Variants in ADCY2 observed in about 807,000 individuals in gnomAD.
The protein encoded by ADCY2 is adenylate cyclase type 2.
In ADCY2, 31 loss-of-function variants were observed where a neutral mutation model predicts 125.2. That is an observed-to-expected ratio of 0.25 (90% CI 0.19 to 0.33). ADCY2 has a LOEUF of 0.33. ADCY2 is among the 10% of genes least tolerant of loss of function. ADCY2 has a pLI of 1.00. For missense variants in ADCY2, 904 were observed against 1,418.2 expected (o/e 0.64, Z 5.82); for synonymous variants, 512 against 548.4 (o/e 0.93, Z 0.93).
At chr5:7,423,234 A>G (rs1178650623) in intron 2 of ADCY2, among the ~76,000 whole-genome samples, 1 of 152,170 alleles carries the variant, frequency 6.6e-6, no homozygotes, top group Non-Finnish European at 1.5e-5. Flanking sequence ...CAGTGTGTTT[A>G]TTGGGAGACC....
intron 3 of ADCY2, among the ~76,000 whole-genome samples, chr5:7,578,417 A>T (rs1579592777): frequency 6.6e-6 from 1 of 152,170 alleles, no homozygotes; most frequent in East Asian, 1.9e-4. Flanking sequence ...TTAGCTCTTT[A>T]TTCTCACTGT....
intron 14 of ADCY2, among the ~76,000 whole-genome samples, chr5:7,730,611 C>A (rs1437499305): frequency 6.6e-6 from 1 of 152,056 alleles, no homozygotes; most frequent in South Asian, 2.1e-4. Context: ...ATTAAAATTT[C>A]TTTATCTACT....
chr5:7,687,151 A>G (rs1211297752), intron 4 of ADCY2, among the ~76,000 whole-genome samples: 2 of 152,246 alleles, frequency 1.3e-5, no homozygotes, highest in South Asian at 2.1e-4. Context: ...TTTGTACAAC[A>G]TATGAAGTTT....
At chr5:7,552,617 G>A (rs1469164957) in intron 3 of ADCY2, among the ~76,000 whole-genome samples, 1 of 152,118 alleles carries the variant, frequency 6.6e-6, no homozygotes, top group Non-Finnish European at 1.5e-5. Flanking sequence ...AACTTCTTCT[G>A]ATCCCCAAAA....
rs68115969 is a variant in ADCY2 at position 7,589,506 on chromosome 5, G to GAAAAGAAAAGA, written c.571-36658_571-36657insAGAAAAGAAAA. 2.9e-3 allele frequency among the ~76,000 whole-genome samples: 268 copies of GAAAAGAAAAGA among 93,848 alleles called. 2 individuals carry two copies. The highest frequency in any genetic ancestry group is 9.0e-3 in the African/African-American group (251 of 28,012). The allele number at this position is 93,848 out of a possible 152,430, so 61.6% of individuals were successfully genotyped here. On this transcript the variant is annotated intron_variant, in intron 3 of 24. Coordinates refer to ENST00000338316, the MANE Select transcript of ADCY2 (RefSeq NM_020546.3). The stretch of plus-strand genomic sequence containing the variant: ...AGAAAGAAAGAAAGAAAGAAAGAAA[G>GAAAAGAAAAGA]AAAGAAAAGAAAAGAAAGAGAAAGA...
intron 14 of ADCY2, among the ~76,000 whole-genome samples, chr5:7,727,750 T>C (rs1741975786): frequency 6.6e-6 from 1 of 151,914 alleles, no homozygotes; most frequent in African/African-American, 2.4e-5. Context: ...CCGTCTTTGA[T>C]TGTTATAGGT....
At chr5:7,471,380 TC>T (rs34208238) in intron 2 of ADCY2, among the ~76,000 whole-genome samples, 10,463 of 152,000 alleles carry the variant, frequency 0.069, 516 homozygotes, top group Non-Finnish European at 0.11. Flanking sequence ...TAAAAAAATC[TC>T]CCATTTTGGC....
intron 12 of ADCY2, among the ~76,000 whole-genome samples, chr5:7,720,052 T>C (rs1741709747): frequency 6.6e-6 from 1 of 151,728 alleles, no homozygotes; most frequent in South Asian, 2.1e-4. Flanking sequence ...AAGTAGGGAA[T>C]CACTTATTGT....
chr5:7,603,784 CTTTTTTTTTTTTTTT>C, intron 3 of ADCY2, among the ~76,000 whole-genome samples: 4 of 62,800 alleles, frequency 6.4e-5, no homozygotes, highest in Non-Finnish European at 1.1e-4. Context: ...TGCTCTCTTT[CTTTTTTTTTTTTTTT>C]TTTTTTTTTT....
chr5:7,561,077 A>G (rs1435153636), intron 3 of ADCY2, among the ~76,000 whole-genome samples: 1 of 152,214 alleles, frequency 6.6e-6, no homozygotes, highest in East Asian at 1.9e-4. Context: ...TCATAAGGAA[A>G]GGTTACGATT....
chr5:7,589,971 C>T (rs1736794199), intron 3 of ADCY2, among the ~76,000 whole-genome samples: 2 of 152,190 alleles, frequency 1.3e-5, no homozygotes, highest in Admixed American at 1.3e-4. Flanking sequence ...TTCATCCTTA[C>T]CTGTCTATTT....
At chr5:7,504,465 C>T (rs544626604) in intron 2 of ADCY2, among the ~76,000 whole-genome samples, 1 of 152,172 alleles carries the variant, frequency 6.6e-6, no homozygotes, top group South Asian at 2.1e-4. Flanking sequence ...GAACACAACG[C>T]CTATGAAGGC....
At chr5:7,808,578 T>G (rs1413977577) in intron 22 of ADCY2, among the ~76,000 whole-genome samples, 1 of 152,180 alleles carries the variant, frequency 6.6e-6, no homozygotes, top group Non-Finnish European at 1.5e-5. Context: ...TCAAGTAACT[T>G]TCTCCATGTT....
Position 7,684,246 on chromosome 5 carries a change from G to A in ADCY2, c.721-6445G>A, listed in dbSNP as rs1375538420. ...CTCACACTGGTGCTGATCTATGCTTGCTCAGGCTTTGCAGGTGCACCAGCC... is the reference window on the plus strand; with the variant it reads ...CTCACACTGGTGCTGATCTATGCTTACTCAGGCTTTGCAGGTGCACCAGCC... On this transcript the variant is annotated intron_variant, in intron 4 of 24. Transcript: ENST00000338316. Among the ~76,000 whole-genome samples the A allele has an allele frequency of 3.9e-5, 6 of 152,196 alleles. No homozygotes were observed. The East Asian group carries it at 1.2e-3, about 29-fold the overall frequency.
Position 7,589,458 on chromosome 5 carries a change from A to AAAAGAAAGAAAGAAAGAAAGAAAAGAAAG in ADCY2, c.571-36686_571-36685insAGAAAGAAAGAAAGAAAGAAAGAAAGAAA, listed in dbSNP as rs1736748555. Among the ~76,000 whole-genome samples, 90 of 72,988 alleles carry AAAAGAAAGAAAGAAAGAAAGAAAAGAAAG rather than the reference A, an allele frequency of 1.2e-3. 1 individual carries two copies. Among genetic ancestry groups the AAAAGAAAGAAAGAAAGAAAGAAAAGAAAG allele is most frequent in the African/African-American group, 4.4e-3 (87 of 19,656 alleles). 47.9% of individuals were successfully genotyped at this position (72,988 alleles called of 152,430 possible). A position where few individuals can be genotyped will look rare whatever the true frequency, so the allele number is the denominator to read the frequency against. ...ATAGAAAGAAAGAAAGAAGGAAAGAAAAAGAAAGAAAGAAAGAAAGAAAGA... is the reference window on the plus strand; with the variant it reads ...ATAGAAAGAAAGAAAGAAGGAAAGAAAAAGAAAGAAAGAAAGAAAGAAAAGAAAGAAAGAAAGAAAGAAAGAAAGAAAGA... On this transcript the variant is annotated intron_variant, in intron 3 of 24. Coordinates refer to ENST00000338316, the MANE Select transcript of ADCY2 (RefSeq NM_020546.3).
chr5:7,681,753 T>G (rs1405377335), intron 4 of ADCY2, among the ~76,000 whole-genome samples: 2 of 152,026 alleles, frequency 1.3e-5, no homozygotes, highest in Non-Finnish European at 2.9e-5. Flanking sequence ...CAGTTTTGCT[T>G]TGGGGTTCAA....
chr5:7,594,357 G>A lies in ADCY2; in HGVS notation c.571-31810G>A, dbSNP rs138517516. Among the ~76,000 whole-genome samples the A allele has an allele frequency of 5.4e-3, 819 of 152,296 alleles. 4 individuals are homozygous for A. The highest frequency in any genetic ancestry group is 0.014 in the Middle Eastern group (4 of 294). ...TGTGGAGAATGAGAGAGAGCCAGAGGCAGCTCATAGGACCCCAAGGTTTGG... is the reference window on the plus strand; with the variant it reads ...TGTGGAGAATGAGAGAGAGCCAGAGACAGCTCATAGGACCCCAAGGTTTGG... On this transcript the variant is annotated intron_variant, in intron 3 of 24. Transcript: ENST00000338316.
intron 7 of ADCY2, 127 bp from the exon 8 acceptor site, chr5:7,706,617 A>G: frequency 9.5e-7 from 1 of 1,047,850 alleles, no homozygotes; most frequent in East Asian, 2.4e-5. Flanking sequence ...CTCCTGCCAT[A>G]GGAAGGTTTA....
intron 7 of ADCY2, among the ~76,000 whole-genome samples, chr5:7,700,673 G>A (rs1741047804): frequency 6.7e-6 from 1 of 149,732 alleles, no homozygotes; most frequent in African/African-American, 2.5e-5. Context: ...TCCCCAGCAT[G>A]GTCCTGGGAA....
Sources: allele counts gnomAD v4.1 joint callset (sites outside exome capture counted in the v4.1 genomes callset), GRCh38; gene constraint gnomAD v4.1.1; transcripts MANE v1.5; gene names NCBI Gene and HGNC (gene_info 2026-07-23, HGNC 2026-07-21).